VAV3: variants seen among roughly 807,000 people sequenced by gnomAD.
The protein encoded by VAV3 is guanine nucleotide exchange factor VAV3.
A neutral mutation model predicts 131.2 loss-of-function variants in VAV3; 94 were observed. The ratio of observed to expected loss-of-function variants is 0.72; its 90% CI spans 0.61 to 0.85. The LOEUF (loss-of-function observed/expected upper bound fraction) is 0.85, where lower values mean the gene tolerates loss of function less well. VAV3 is among the 40% of genes least tolerant of loss of function. The pLI is 0.00. For missense variants in VAV3, 939 were observed against 1,002.7 expected (o/e 0.94, Z 0.86); for synonymous variants, 349 against 342.0 (o/e 1.02, Z -0.22).
chr1:107,768,831 G>A (rs1258406669), intron 6 of VAV3, among the ~76,000 whole-genome samples: 4 of 152,174 alleles, frequency 2.6e-5, no homozygotes, highest in Non-Finnish European at 5.9e-5. Flanking sequence ...AGATGTATAT[G>A]AAGACTTACA....
chr1:107,790,010 AC>A (rs1666205975), intron 2 of VAV3, among the ~76,000 whole-genome samples: 2 of 152,192 alleles, frequency 1.3e-5, no homozygotes, highest in African/African-American at 4.8e-5. Flanking sequence ...ACAATGGGAA[AC>A]AAAACAGATG....
intron 11 of VAV3, 128 bp from the exon 12 acceptor site, chr1:107,755,641 T>C (rs1664060369): frequency 3.2e-6 from 2 of 634,326 alleles, no homozygotes; most frequent in East Asian, 2.8e-5. Flanking sequence ...TCAAAGACAG[T>C]AAAATGAATG....
intron 15 of VAV3, among the ~76,000 whole-genome samples, chr1:107,738,976 AAAC>A (rs1662848756): frequency 6.6e-6 from 1 of 152,308 alleles, no homozygotes; most frequent in South Asian, 2.1e-4. Context: ...AAAAAGAAAA[AAAC>A]AACAACAGAT....
chr1:107,922,724 G>A (rs888362408), intron 1 of VAV3, among the ~76,000 whole-genome samples: 6 of 151,742 alleles, frequency 4.0e-5, no homozygotes, highest in South Asian at 2.1e-4. Flanking sequence ...AGGCAGAGGC[G>A]GGCGGATCAT....
intron 1 of VAV3, among the ~76,000 whole-genome samples, chr1:107,930,801 C>T (rs941440405): frequency 1.2e-4 from 18 of 152,112 alleles, no homozygotes; most frequent in Non-Finnish European, 1.9e-4. Context: ...GGCAACCAGC[C>T]ATTATTTACC....
intron 12 of VAV3, among the ~76,000 whole-genome samples, chr1:107,754,817 T>A (rs938594589): frequency 6.6e-6 from 1 of 152,138 alleles, no homozygotes; most frequent in African/African-American, 2.4e-5. Context: ...CCTGGGTCAC[T>A]TTCCCCTAGA....
At chr1:107,612,249 T>C (rs1652808147) in intron 21 of VAV3, among the ~76,000 whole-genome samples, 1 of 151,746 alleles carries the variant, frequency 6.6e-6, no homozygotes, top group Non-Finnish European at 1.5e-5. Flanking sequence ...AAGTATACCT[T>C]ATGAAGCTAG....
At chr1:107,751,063 T>G (rs1663690676) in intron 13 of VAV3, 54 bp downstream of exon 13, 1 of 1,536,308 alleles carries the variant, frequency 6.5e-7, no homozygotes, top group African/African-American at 1.4e-5. Context: ...TAAGGTTTTC[T>G]CAGTTTTCTG....
intron 1 of VAV3, among the ~76,000 whole-genome samples, chr1:107,920,111 A>G (rs1173544327): frequency 6.6e-6 from 1 of 152,210 alleles, no homozygotes; most frequent in Non-Finnish European, 1.5e-5. Context: ...AAACAGTTAT[A>G]CTTTCTTTCC....
intron 18 of VAV3, among the ~76,000 whole-genome samples, chr1:107,686,525 A>G (rs994739310): frequency 1.8e-4 from 27 of 152,330 alleles, no homozygotes; most frequent in Admixed American, 8.5e-4. Flanking sequence ...CACCTGGTAT[A>G]GGGTGAGAGC....
chr1:107,583,628 C>A lies in VAV3; in HGVS notation c.2351-9430G>T, dbSNP rs1025529202. The stretch of plus-strand genomic sequence containing the variant: ...TATATACCAATAACAGACAGAGAGC[C>A]AAATCATGAGTGAACTCCCATTCAC... On this transcript the variant is annotated intron_variant, in intron 25 of 26. Transcript: ENST00000370056. Among the ~76,000 whole-genome samples the A allele has an allele frequency of 2.0e-4, 31 of 152,128 alleles. No homozygotes were observed. In the East Asian group the frequency reaches 4.1e-3, roughly 20 times the overall value.
chr1:107,637,440 T>A (rs1290079065), intron 20 of VAV3, among the ~76,000 whole-genome samples: 1 of 151,994 alleles, frequency 6.6e-6, no homozygotes, highest in East Asian at 1.9e-4. Flanking sequence ...CTGGGCAACA[T>A]GGTGAAACTT....
In VAV3 at chr1:107,728,606, T is replaced by TATACGTATACGTATAC. The variant is rs1557798901; in HGVS notation, c.1502+20361_1502+20362insGTATACGTATACGTAT. 6.8e-3 allele frequency among the ~76,000 whole-genome samples: 540 copies of TATACGTATACGTATAC among 79,194 alleles called. 6 individuals carry two copies. Among genetic ancestry groups the TATACGTATACGTATAC allele is most frequent in the South Asian group, 0.018 (41 of 2,296 alleles). 52.0% of individuals were successfully genotyped at this position (79,194 alleles called of 152,430 possible). ...AGTCATATGTATACGTATACGTATA[T>TATACGTATACGTATAC]GTATATGTATATGTATATGTATATG... On this transcript the variant is annotated intron_variant, in intron 15 of 26. Coordinates refer to ENST00000370056, the MANE Select transcript of VAV3 (RefSeq NM_006113.5).
chr1:107,806,753 C>A (rs1298182382), intron 2 of VAV3, among the ~76,000 whole-genome samples: 1 of 152,062 alleles, frequency 6.6e-6, no homozygotes, highest in Non-Finnish European at 1.5e-5. Context: ...ATTTTCTAGG[C>A]TCATCACCCA....
In VAV3 at chr1:107,856,827, A is replaced by G. The variant is rs79521845; in HGVS notation, c.321+18074T>C. ...GGAGGCTGGAGGATCACTTGAGCAC[A>G]GGAGTTCAAGACCAACCTGAGCTAC... On this transcript the variant is annotated intron_variant, in intron 2 of 26. Coordinates refer to ENST00000370056, the MANE Select transcript of VAV3 (RefSeq NM_006113.5). Among the ~76,000 whole-genome samples, 54 of 152,204 alleles carry G rather than the reference A, an allele frequency of 3.5e-4. No individual in the cohort carries two copies. In the East Asian group the frequency reaches 9.5e-3, roughly 27 times the overall value.
intron 2 of VAV3, among the ~76,000 whole-genome samples, chr1:107,821,080 T>C (rs1667773062): frequency 6.6e-6 from 1 of 152,170 alleles, no homozygotes; most frequent in Non-Finnish European, 1.5e-5. Flanking sequence ...TCACTTTAGA[T>C]TTACTATAGA....
At chr1:107,826,269 G>T (rs17020137) in intron 2 of VAV3, among the ~76,000 whole-genome samples, 4 of 150,434 alleles carry the variant, frequency 2.7e-5, no homozygotes, top group African/African-American at 7.2e-5. Context: ...AGAATCATTT[G>T]CTCCATTACG....
intron 2 of VAV3, among the ~76,000 whole-genome samples, chr1:107,787,352 C>T (rs927459548): frequency 6.6e-6 from 1 of 152,156 alleles, no homozygotes; most frequent in Non-Finnish European, 1.5e-5. Flanking sequence ...AAAAAACCAA[C>T]AGTCTATTAG....
At chr1:107,802,877 T>C (rs1666889661) in intron 2 of VAV3, among the ~76,000 whole-genome samples, 1 of 149,000 alleles carries the variant, frequency 6.7e-6, no homozygotes, top group Non-Finnish European at 1.5e-5. Context: ...TATTTCTTCC[T>C]CTTCAGTTTT....
Sources: gnomAD v4.1 joint callset for allele counts (sites outside exome capture counted in the v4.1 genomes callset) on GRCh38, gnomAD v4.1.1 for gene constraint, MANE v1.5 for transcripts, NCBI Gene and HGNC (gene_info 2026-07-23, HGNC 2026-07-21) for gene names.